PARD3B: variants seen among roughly 807,000 people sequenced by gnomAD.
PARD3B encodes the protein partitioning defective 3 homolog B.
Under a neutral mutation model 130.2 loss-of-function variants are expected in PARD3B, and 103 were observed. That is an observed-to-expected ratio of 0.79 (90% CI 0.67 to 0.93). The LOEUF is 0.93. Among genes scored for constraint, PARD3B ranks in the 40% least tolerant of loss-of-function variants. The probability of loss-of-function intolerance (pLI) is 0.00; values close to 1 mark genes in which losing one functional copy is unlikely to be tolerated. For synonymous variants in PARD3B, 583 were observed against 553.2 expected (o/e 1.05, Z -0.76); for missense variants, 1,609 against 1,499.2 (o/e 1.07, Z -1.21).
intron 16 of PARD3B, among the ~76,000 whole-genome samples, chr2:205,271,224 T>C (rs1404456034): frequency 6.6e-6 from 1 of 152,192 alleles, no homozygotes; most frequent in Non-Finnish European, 1.5e-5. Flanking sequence ...TTGTTCCAGG[T>C]GTGCTTTCTG....
chr2:204,880,015 G>C (rs2045980020), intron 2 of PARD3B, among the ~76,000 whole-genome samples: 1 of 152,134 alleles, frequency 6.6e-6, no homozygotes, highest in South Asian at 2.1e-4. Context: ...GTGTGAAATA[G>C]CTAAGCATCC....
chr2:204,835,848 G>T (rs961444667), intron 2 of PARD3B, among the ~76,000 whole-genome samples: 1 of 152,214 alleles, frequency 6.6e-6, no homozygotes, highest in Non-Finnish European at 1.5e-5. Context: ...GCAGGCTTAT[G>T]TAAGTGTTCC....
rs115968176 is a variant in PARD3B at position 205,407,227 on chromosome 2, C to T, written c.2741+6104C>T. Among the ~76,000 whole-genome samples the T allele has an allele frequency of 0.021, 3,259 of 152,220 alleles. 100 individuals carry two copies. Among genetic ancestry groups the T allele is most frequent in the African/African-American group, 0.074 (3,064 of 41,536 alleles). ...TAATCTCAAGTAAGAGATTTCTCAG[C>T]TTATGATGTGTCACCTCCTGTTACA... On this transcript the variant is annotated intron_variant, in intron 19 of 22. Transcript: ENST00000406610. This position sits in a 1 kb window ranked among gnomAD's most constrained non-coding sequence, Gnocchi z 4.1.
intron 10 of PARD3B, among the ~76,000 whole-genome samples, chr2:205,154,470 T>C (rs997090568): frequency 2.6e-5 from 4 of 152,180 alleles, no homozygotes; most frequent in Non-Finnish European, 4.4e-5. Context: ...AGTTCAAACA[T>C]TGTGGAAGAC....
At chr2:205,576,502 T>C (rs1018533701) in intron 22 of PARD3B, among the ~76,000 whole-genome samples, 2 of 152,198 alleles carry the variant, frequency 1.3e-5, no homozygotes, top group Non-Finnish European at 2.9e-5. Context: ...CTAGATTCAT[T>C]TTTTGCATGT....
chr2:205,116,497 C>G lies in PARD3B; in HGVS notation c.681-2424C>G, dbSNP rs2029865812. Among the ~76,000 whole-genome samples the G allele has an allele frequency of 6.6e-6, 1 of 152,150 alleles. No individual in the cohort carries two copies. The highest frequency in any genetic ancestry group is 1.9e-4 in the East Asian group (1 of 5,194). ...TTGTTACCCCTCTAATTCTGTGAGG[C>G]TGTGGATTTCAGCATCCTTTATCAC... On this transcript the variant is annotated intron_variant, in intron 6 of 22. Coordinates refer to ENST00000406610, the MANE Select transcript of PARD3B (RefSeq NM_001302769.2). This position sits in a 1 kb window ranked among gnomAD's most constrained non-coding sequence, Gnocchi z 4.5.
intron 1 of PARD3B, among the ~76,000 whole-genome samples, chr2:204,655,613 G>A (rs1288690296): frequency 6.6e-6 from 1 of 152,202 alleles, no homozygotes; most frequent in Non-Finnish European, 1.5e-5. Flanking sequence ...TGGTCCTGGA[G>A]GAGATCATGA....
chr2:204,819,329 CG>C (rs2043253973), intron 2 of PARD3B, among the ~76,000 whole-genome samples: 1 of 152,136 alleles, frequency 6.6e-6, no homozygotes, highest in Non-Finnish European at 1.5e-5. Context: ...ATATTTGTTA[CG>C]GTGATCTGTG....
Position 205,253,609 on chromosome 2 carries a change from T to A in PARD3B, c.2185+7787T>A. On this transcript the variant is annotated intron_variant, in intron 16 of 22. Transcript: ENST00000406610. This position sits in a 1 kb window ranked among gnomAD's most constrained non-coding sequence, Gnocchi z 4.4. ...CAGCAGAAAGACAGAGAAAGAAGCC[T>A]CCTTGGGGTTCCATTACCCACACTC... The A allele has an allele frequency of 2.6e-6, 1 of 382,066 alleles. No homozygotes were observed. The highest frequency in any genetic ancestry group is 2.0e-5 in the South Asian group (1 of 48,864). The allele number at this position is 382,066 out of a possible 1,614,324, so 23.7% of individuals were successfully genotyped here. A position where few individuals can be genotyped will look rare whatever the true frequency, so the allele number is the denominator to read the frequency against.
intron 4 of PARD3B, among the ~76,000 whole-genome samples, chr2:205,052,452 A>ATATATAT (rs1443249681): frequency 0.038 from 785 of 20,496 alleles, 20 homozygotes; most frequent in Middle Eastern, 0.12. Context: ...TATATATATA[A>ATATATAT]AATTAAAAAA....
At position 204,668,204 on chromosome 2, in the gene PARD3B, A is replaced by G. The variant is rs532297615; in HGVS notation, c.121-17977A>G. Among the ~76,000 whole-genome samples, 5 of 152,318 alleles carry G rather than the reference A, an allele frequency of 3.3e-5. No individual in the cohort carries two copies. The East Asian group carries it at 5.8e-4, about 18-fold the overall frequency. ...ATGGTGAGCATAGCTCTAAAGGTCA[A>G]TGGATGGACTGATGCAGTCAGCTGG... On this transcript the variant is annotated intron_variant, in intron 1 of 22. Transcript: ENST00000406610.
chr2:204,929,625 T>G (rs77186549), intron 2 of PARD3B, among the ~76,000 whole-genome samples: 2 of 150,468 alleles, frequency 1.3e-5, no homozygotes, highest in African/African-American at 4.9e-5. Flanking sequence ...ATTGAATAAT[T>G]TTTTTTTTTG....
At chr2:204,563,820 C>T (rs2031498457) in intron 1 of PARD3B, among the ~76,000 whole-genome samples, 1 of 152,140 alleles carries the variant, frequency 6.6e-6, no homozygotes, top group African/African-American at 2.4e-5. Context: ...GTCACCCAGG[C>T]TAGAGTGCAG....
chr2:205,358,762 A>G (rs749978720), intron 18 of PARD3B, among the ~76,000 whole-genome samples: 2 of 152,122 alleles, frequency 1.3e-5, no homozygotes, highest in Non-Finnish European at 1.5e-5. Flanking sequence ...CATCAGCCAC[A>G]TGCCATTCTT....
chr2:204,844,163 G>A (rs1300108575), intron 2 of PARD3B, among the ~76,000 whole-genome samples: 1 of 152,116 alleles, frequency 6.6e-6, no homozygotes, highest in Admixed American at 6.5e-5. Flanking sequence ...CCTTTTAAAT[G>A]TGTGCACTTA....
At chr2:205,488,216 T>C (rs904640548) in intron 20 of PARD3B, among the ~76,000 whole-genome samples, 2 of 152,042 alleles carry the variant, frequency 1.3e-5, no homozygotes, top group African/African-American at 4.8e-5. Flanking sequence ...CCCCAACCTT[T>C]TTGGCACCAG....
intron 6 of PARD3B, among the ~76,000 whole-genome samples, chr2:205,115,081 T>A (rs1049796255): frequency 2.6e-5 from 4 of 152,124 alleles, no homozygotes; most frequent in African/African-American, 4.8e-5. Flanking sequence ...ATCTTCCCAA[T>A]TTCCAAAAAT....
At chr2:204,968,276 G>C (rs1306445117) in intron 3 of PARD3B, among the ~76,000 whole-genome samples, 1 of 152,058 alleles carries the variant, frequency 6.6e-6, no homozygotes. Context: ...TGTTTTTCTG[G>C]AATCTGATAT....
intron 3 of PARD3B, among the ~76,000 whole-genome samples, chr2:205,014,439 G>A (rs1695966561): frequency 6.6e-6 from 1 of 152,186 alleles, no homozygotes; most frequent in Admixed American, 6.5e-5. Flanking sequence ...TGCAGCCAAG[G>A]GGTGATATCT....
Sources: allele counts gnomAD v4.1 joint callset (sites outside exome capture counted in the v4.1 genomes callset), GRCh38; gene constraint gnomAD v4.1.1; non-coding constraint Gnocchi (gnomAD v3.1); transcripts MANE v1.5; gene names NCBI Gene and HGNC (gene_info 2026-07-23, HGNC 2026-07-21).